The following TMEM131 variants were observed in gnomAD, a reference collection of about 807,000 sequenced individuals.
TMEM131 encodes 2610524E03Rik.
TMEM131 carries 66 observed loss-of-function variants against 211.6 expected under a neutral mutation model. The observed-to-expected ratio is 0.31, with a 90% CI of 0.26 to 0.38. The LOEUF is 0.38. Ranked by LOEUF, TMEM131 falls within the 10% of genes least tolerant of loss-of-function variation. The pLI, the probability that TMEM131 is intolerant of heterozygous loss-of-function variation, is 1.00. For synonymous variants in TMEM131, 844 were observed against 841.3 expected (o/e 1.00, Z -0.06); for missense variants, 2,036 against 2,299.3 (o/e 0.89, Z 2.34).
chr2:97,891,061 T>C (rs181256767), intron 3 of TMEM131, among the ~76,000 whole-genome samples: 5 of 152,286 alleles, frequency 3.3e-5, no homozygotes. Flanking sequence ...AAACCAAAAA[T>C]GCAGTAACAC....
At chr2:97,858,237 T>C (rs1673926475) in intron 5 of TMEM131, among the ~76,000 whole-genome samples, 1 of 152,214 alleles carries the variant, frequency 6.6e-6, no homozygotes, top group Non-Finnish European at 1.5e-5. Flanking sequence ...TCAGTGAAAA[T>C]TCTGGGAAGA....
At chr2:97,863,195 A>G (rs542816719) in intron 4 of TMEM131, among the ~76,000 whole-genome samples, 4 of 152,346 alleles carry the variant, frequency 2.6e-5, no homozygotes, top group South Asian at 4.1e-4. Flanking sequence ...AATATGAAAG[A>G]GGAATAAAGA....
chr2:97,789,389 C>G lies in TMEM131; in HGVS notation c.4144+2997G>C, dbSNP rs145084558. 1.1e-4 allele frequency among the ~76,000 whole-genome samples: 17 copies of G among 152,354 alleles called. No homozygotes were observed. The East Asian group carries it at 3.3e-3, about 29-fold the overall frequency. On this transcript the variant is annotated intron_variant, in intron 31 of 40. Coordinates refer to ENST00000186436, the MANE Select transcript of TMEM131 (RefSeq NM_015348.2). The stretch of plus-strand genomic sequence containing the variant: ...TGCTCCACAGCCACCTTCAACTCAG[C>G]AGGCTACAGATGGCATGTGCCACTT...
rs909464719 is a variant in TMEM131, at chr2:97,904,846, T to C, written c.290+3812A>G. 5.3e-5 allele frequency among the ~76,000 whole-genome samples: 8 copies of C among 152,050 alleles called. No homozygotes were observed. In the South Asian group the frequency reaches 1.2e-3, roughly 24 times the overall value. On this transcript the variant is annotated intron_variant, in intron 3 of 40. Coordinates refer to ENST00000186436, the MANE Select transcript of TMEM131 (RefSeq NM_015348.2). Reference sequence around the variant, plus strand: ...GTTTCGTGTGGGGCTTATTTCATATTACCACAGTTTAACTTCAAATAATAT... The same window carrying C: ...GTTTCGTGTGGGGCTTATTTCATATCACCACAGTTTAACTTCAAATAATAT...
chr2:97,957,045 C>A (rs1057219316), intron 1 of TMEM131, among the ~76,000 whole-genome samples: 1 of 149,976 alleles, frequency 6.7e-6, no homozygotes, highest in East Asian at 2.0e-4. Flanking sequence ...TGCAGTAAGC[C>A]GAGATCGCGC....
At chr2:97,803,955 TC>T (rs1681161371) in intron 22 of TMEM131, among the ~76,000 whole-genome samples, 1 of 152,220 alleles carries the variant, frequency 6.6e-6, no homozygotes, top group Non-Finnish European at 1.5e-5. Context: ...AGAGGAAGTC[TC>T]TTTTGTATTC....
intron 35 of TMEM131, chr2:97,763,975 A>C (rs141353766): frequency 6.6e-6 from 1 of 152,326 alleles, no homozygotes; most frequent in African/African-American, 2.4e-5. Context: ...AATATTATTA[A>C]AATTTTCCTT....
At chr2:97,770,352 A>G (rs557974597) in intron 33 of TMEM131, among the ~76,000 whole-genome samples, 21 of 152,366 alleles carry the variant, frequency 1.4e-4, no homozygotes, top group African/African-American at 4.8e-4. Flanking sequence ...GAGATCAGAT[A>G]AAGGAGGATA....
At chr2:97,947,391 A>G (rs1239694514) in intron 1 of TMEM131, among the ~76,000 whole-genome samples, 1 of 152,088 alleles carries the variant, frequency 6.6e-6, no homozygotes, top group East Asian at 1.9e-4. Context: ...GATATAGGAA[A>G]GTAGTAAGAT....
intron 20 of TMEM131, 42 bp downstream of exon 20, chr2:97,805,509 A>C: frequency 6.2e-7 from 1 of 1,611,338 alleles, no homozygotes; most frequent in Non-Finnish European, 8.5e-7. Flanking sequence ...CATAAAACAA[A>C]ATGTTAACCA....
At chr2:97,837,391 G>A (rs1370786467) in intron 7 of TMEM131, among the ~76,000 whole-genome samples, 2 of 152,182 alleles carry the variant, frequency 1.3e-5, no homozygotes, top group Non-Finnish European at 2.9e-5. Flanking sequence ...AACAGTGTAA[G>A]TACCATAGTT....
chr2:97,781,757 G>C (rs1680014509), intron 31 of TMEM131, among the ~76,000 whole-genome samples: 1 of 152,190 alleles, frequency 6.6e-6, no homozygotes, highest in Non-Finnish European at 1.5e-5. Flanking sequence ...TGGGGTCTGA[G>C]GAAAGGCATG....
intron 2 of TMEM131, among the ~76,000 whole-genome samples, chr2:97,919,092 A>C (rs1037250566): frequency 4.6e-5 from 7 of 152,238 alleles, no homozygotes; most frequent in African/African-American, 1.7e-4. Flanking sequence ...GAAACGTTCC[A>C]AAACTGACAG....
chr2:97,895,188 C>T (rs10184393), intron 3 of TMEM131, among the ~76,000 whole-genome samples: 61,265 of 152,010 alleles, frequency 0.4, 13,786 homozygotes, highest in African/African-American at 0.57. Flanking sequence ...GATTTGCATA[C>T]GTTGAACCAG....
chr2:97,843,671 A>C (rs1190066051), intron 6 of TMEM131, among the ~76,000 whole-genome samples: 1 of 152,182 alleles, frequency 6.6e-6, no homozygotes. Context: ...CTTGATTCAC[A>C]AACAGAATAA....
intron 7 of TMEM131, among the ~76,000 whole-genome samples, chr2:97,839,974 CAT>C (rs1474146215): frequency 5.3e-5 from 8 of 152,292 alleles, no homozygotes; most frequent in African/African-American, 1.4e-4. Flanking sequence ...AGAACATACT[CAT>C]GTGTTTATGT....
chr2:97,776,043 G>T, intron 31 of TMEM131, 25 bp from the exon 32 acceptor site: 1 of 1,588,592 alleles, frequency 6.3e-7, no homozygotes, highest in Non-Finnish European at 8.5e-7. Flanking sequence ...TAAAGTAAAA[G>T]AACTCTTGTT....
chr2:97,930,021 C>T (rs1677152805), intron 1 of TMEM131, among the ~76,000 whole-genome samples: 1 of 151,806 alleles, frequency 6.6e-6, no homozygotes, highest in African/African-American at 2.4e-5. Flanking sequence ...CATCCCATTC[C>T]TCACCTGTTC....
intron 36 of TMEM131, chr2:97,761,116 A>T: frequency 1.7e-6 from 1 of 596,418 alleles, no homozygotes; most frequent in Admixed American, 3.0e-5. Flanking sequence ...GGAGAAAGGT[A>T]AGAAAACAAA....
Sources: allele counts gnomAD v4.1 joint callset (sites outside exome capture counted in the v4.1 genomes callset), GRCh38; gene constraint gnomAD v4.1.1; transcripts MANE v1.5; gene names NCBI Gene and HGNC (gene_info 2026-07-23, HGNC 2026-07-21).